TMEFF2: variants seen among roughly 807,000 people sequenced by gnomAD.
TMEFF2 encodes tomoregulin-2.
A neutral mutation model predicts 53.8 loss-of-function variants in TMEFF2; 28 were observed. The ratio of observed to expected loss-of-function variants is 0.52; its 90% CI spans 0.39 to 0.71. The LOEUF (loss-of-function observed/expected upper bound fraction) is 0.71, where lower values mean the gene tolerates loss of function less well. Ranked by LOEUF, TMEFF2 falls within the 30% of genes least tolerant of loss-of-function variation. The pLI is 0.00. For synonymous variants in TMEFF2, 162 were observed against 166.3 expected (o/e 0.97, Z 0.20); for missense variants, 353 against 455.2 (o/e 0.78, Z 2.04).
At chr2:192,097,420 GAA>G (rs1421580565) in intron 4 of TMEFF2, among the ~76,000 whole-genome samples, 4 of 152,140 alleles carry the variant, frequency 2.6e-5, no homozygotes, top group Admixed American at 6.5e-5. Flanking sequence ...TATGCTAACA[GAA>G]ATATTTTGTT....
At chr2:192,185,335 C>A (rs1691286115) in intron 2 of TMEFF2, among the ~76,000 whole-genome samples, 1 of 151,926 alleles carries the variant, frequency 6.6e-6, no homozygotes, top group African/African-American at 2.4e-5. Context: ...GCTAATTACA[C>A]CAGGGATGTG....
intron 4 of TMEFF2, among the ~76,000 whole-genome samples, chr2:192,161,608 C>A (rs1037479318): frequency 6.6e-6 from 1 of 152,086 alleles, no homozygotes; most frequent in Non-Finnish European, 1.5e-5. Context: ...GAGTCAGGAA[C>A]GATGTGAAAG....
At chr2:192,158,713 C>T (rs2106008705) in intron 4 of TMEFF2, among the ~76,000 whole-genome samples, 1 of 152,136 alleles carries the variant, frequency 6.6e-6, no homozygotes, top group Middle Eastern at 3.4e-3. Flanking sequence ...TTAATCCTCT[C>T]CTAAAGCTAG....
At chr2:192,162,020 G>GTATTC (rs1690646186) in intron 4 of TMEFF2, among the ~76,000 whole-genome samples, 1 of 152,132 alleles carries the variant, frequency 6.6e-6, no homozygotes, top group Non-Finnish European at 1.5e-5. Flanking sequence ...CAACCTTGAA[G>GTATTC]AAGAAAAAGG....
intron 5 of TMEFF2, among the ~76,000 whole-genome samples, chr2:192,030,050 A>T (rs532355747): frequency 2.0e-5 from 3 of 152,334 alleles, no homozygotes; most frequent in Admixed American, 2.0e-4. Context: ...ACACATTGAG[A>T]CAAACCGATC....
At chr2:191,956,401 G>C in intron 7 of TMEFF2, 23 bp from the exon 8 acceptor site, 1 of 1,607,790 alleles carries the variant, frequency 6.2e-7, no homozygotes, top group Admixed American at 1.7e-5. Flanking sequence ...ATAAAAGTAA[G>C]CACCCCCTGT....
chr2:191,963,840 C>T (rs1029370520), intron 7 of TMEFF2, among the ~76,000 whole-genome samples: 1 of 152,124 alleles, frequency 6.6e-6, no homozygotes, highest in Non-Finnish European at 1.5e-5. Context: ...TCTTAAATTA[C>T]TTGAGAATCT....
chr2:192,171,208 C>T (rs1353970832), intron 4 of TMEFF2, among the ~76,000 whole-genome samples: 1 of 151,918 alleles, frequency 6.6e-6, no homozygotes, highest in Non-Finnish European at 1.5e-5. Context: ...TACAGCAAAA[C>T]CTAGGATATT....
chr2:192,117,465 G>A (rs556628233), intron 4 of TMEFF2, among the ~76,000 whole-genome samples: 3 of 152,130 alleles, frequency 2.0e-5, no homozygotes, highest in African/African-American at 7.2e-5. Context: ...AGAACACTGG[G>A]GAAAGGAAAA....
chr2:192,144,033 T>A (rs1169578580), intron 4 of TMEFF2, among the ~76,000 whole-genome samples: 2 of 152,154 alleles, frequency 1.3e-5, no homozygotes, highest in Non-Finnish European at 2.9e-5. Flanking sequence ...ACTGGGTTAT[T>A]TTAAAACTGT....
chr2:192,137,251 C>A (rs1279361673), intron 4 of TMEFF2, among the ~76,000 whole-genome samples: 2 of 152,084 alleles, frequency 1.3e-5, no homozygotes, highest in South Asian at 2.1e-4. Flanking sequence ...GTGGGGTACC[C>A]AAGAGATGTG....
chr2:191,964,193 CCTTT>C (rs942791692), intron 7 of TMEFF2, among the ~76,000 whole-genome samples: 36 of 152,010 alleles, frequency 2.4e-4, no homozygotes, highest in East Asian at 1.9e-4. Context: ...CAATTTCCTT[CCTTT>C]CTCTTTCTTT....
At chr2:192,055,721 G>A (rs1022029399) in intron 5 of TMEFF2, among the ~76,000 whole-genome samples, 1 of 129,204 alleles carries the variant, frequency 7.7e-6, no homozygotes, top group East Asian at 2.5e-4. Context: ...GTTGCAGTGA[G>A]TTGAGATCGT....
At chr2:192,102,285 T>C (rs1347693916) in intron 4 of TMEFF2, among the ~76,000 whole-genome samples, 2 of 152,208 alleles carry the variant, frequency 1.3e-5, no homozygotes, top group African/African-American at 4.8e-5. Context: ...AAGGACATGC[T>C]TACAAGCTTA....
chr2:191,993,692 C>CATAA (rs1686158627), intron 7 of TMEFF2, among the ~76,000 whole-genome samples: 2 of 151,926 alleles, frequency 1.3e-5, no homozygotes, highest in Non-Finnish European at 2.9e-5. Flanking sequence ...TGGAAATACC[C>CATAA]ATAAATGAAA....
chr2:192,187,257 T>C (rs186126102), intron 2 of TMEFF2, among the ~76,000 whole-genome samples: 33 of 152,304 alleles, frequency 2.2e-4, no homozygotes, highest in African/African-American at 7.5e-4. Context: ...AGTTTTCCCA[T>C]TTGAAATGCT....
At chr2:192,102,939 A>T (rs1574374778) in intron 4 of TMEFF2, among the ~76,000 whole-genome samples, 2 of 148,076 alleles carry the variant, frequency 1.4e-5, no homozygotes, top group Admixed American at 6.8e-5. Flanking sequence ...AATGAAACTC[A>T]TTTTTTTTTT....
At chr2:192,039,528 A>C (rs1346374186) in intron 5 of TMEFF2, among the ~76,000 whole-genome samples, 1 of 152,208 alleles carries the variant, frequency 6.6e-6, no homozygotes, top group Non-Finnish European at 1.5e-5. Flanking sequence ...TATAACAGCA[A>C]TTTCTTTTAT....
chr2:192,121,357 A>G (rs761770868), intron 4 of TMEFF2, among the ~76,000 whole-genome samples: 5 of 152,152 alleles, frequency 3.3e-5, no homozygotes, highest in African/African-American at 4.8e-5. Context: ...GAAATTCTGG[A>G]CAGAGGTCAC....
Sources: gnomAD v4.1 joint callset for allele counts (sites outside exome capture counted in the v4.1 genomes callset) on GRCh38, gnomAD v4.1.1 for gene constraint, MANE v1.5 for transcripts, NCBI Gene and HGNC (gene_info 2026-07-23, HGNC 2026-07-21) for gene names.